The following ALK variants were observed in gnomAD, a reference collection of about 807,000 sequenced individuals.
ALK encodes ALK receptor tyrosine kinase.
In ALK, 74 loss-of-function variants were observed where a neutral mutation model predicts 163.1. The observed-to-expected ratio is 0.45, with a 90% CI of 0.38 to 0.55. The LOEUF is 0.55. Among genes scored for constraint, ALK ranks in the 20% least tolerant of loss-of-function variants. The probability of loss-of-function intolerance (pLI) is 0.00; values close to 1 mark genes in which losing one functional copy is unlikely to be tolerated. For synonymous variants in ALK, 960 were observed against 843.2 expected (o/e 1.14, Z -2.40); for missense variants, 2,063 against 2,105.3 (o/e 0.98, Z 0.39).
At chr2:29,709,182 GA>G (rs1170945826) in intron 2 of ALK, among the ~76,000 whole-genome samples, 3 of 151,990 alleles carry the variant, frequency 2.0e-5, no homozygotes, top group Non-Finnish European at 2.9e-5. Flanking sequence ...GTTAAGAAAA[GA>G]AAAAAAGCAA....
chr2:29,212,047 C>T (rs1427485327), intron 24 of ALK, among the ~76,000 whole-genome samples: 1 of 152,094 alleles, frequency 6.6e-6, no homozygotes, highest in Non-Finnish European at 1.5e-5. Flanking sequence ...GGTCAGAGGA[C>T]AAATGGAAAT....
chr2:29,435,719 G>A (rs956321119), intron 4 of ALK, among the ~76,000 whole-genome samples: 3 of 152,018 alleles, frequency 2.0e-5, no homozygotes, highest in African/African-American at 7.2e-5. Flanking sequence ...CAATATGACT[G>A]AGGAACTGTG....
At chr2:29,907,209 G>T (rs907506429) in intron 1 of ALK, 2 of 151,918 alleles carry the variant, frequency 1.3e-5, no homozygotes, top group African/African-American at 4.8e-5. Context: ...GAATGGTTTT[G>T]CTATACAATT....
intron 1 of ALK, among the ~76,000 whole-genome samples, chr2:29,784,130 G>C (rs545945937): frequency 6.6e-6 from 1 of 152,252 alleles, no homozygotes; most frequent in African/African-American, 2.4e-5. Flanking sequence ...AAGAAAGAAA[G>C]AAATGAGGGA....
intron 28 of ALK, among the ~76,000 whole-genome samples, chr2:29,195,702 T>C (rs1669005183): frequency 1.3e-5 from 2 of 152,200 alleles, no homozygotes; most frequent in African/African-American, 4.8e-5. Context: ...GCCACTGTGC[T>C]CCAGCCCGGG....
At chr2:29,640,920 G>A (rs116023181) in intron 3 of ALK, among the ~76,000 whole-genome samples, 157 of 152,284 alleles carry the variant, frequency 1.0e-3, no homozygotes, top group Non-Finnish European at 1.9e-3. Context: ...TAGGGAAAGA[G>A]TATTATGAAT....
intron 1 of ALK, among the ~76,000 whole-genome samples, chr2:29,896,807 C>T (rs530247661): frequency 6.6e-6 from 1 of 152,286 alleles, no homozygotes; most frequent in East Asian, 1.9e-4. Flanking sequence ...AGTAAAAGTT[C>T]ATTGTAAGAA....
chr2:29,352,413 C>T (rs1668141228), intron 5 of ALK, among the ~76,000 whole-genome samples: 1 of 152,226 alleles, frequency 6.6e-6, no homozygotes, highest in Non-Finnish European at 1.5e-5. Flanking sequence ...AAAGAAGTGC[C>T]CTGTGTAGGC....
intron 14 of ALK, among the ~76,000 whole-genome samples, chr2:29,232,864 G>T (rs1321720689): frequency 6.6e-6 from 1 of 152,154 alleles, no homozygotes; most frequent in East Asian, 1.9e-4. Flanking sequence ...GACCCCCAAA[G>T]ATTCAAGGTT....
intron 1 of ALK, among the ~76,000 whole-genome samples, chr2:29,841,264 G>A (rs1040397738): frequency 6.6e-6 from 1 of 152,128 alleles, no homozygotes; most frequent in Non-Finnish European, 1.5e-5. Context: ...ATAGTGAACA[G>A]AATCAAGTCT....
intron 28 of ALK, among the ~76,000 whole-genome samples, chr2:29,195,990 G>A (rs1669013770): frequency 6.6e-6 from 1 of 152,102 alleles, no homozygotes; most frequent in Non-Finnish European, 1.5e-5. Context: ...GAGACAGGGA[G>A]GAAATGAGGG....
At position 29,197,243 on chromosome 2, in the gene ALK, C is replaced by T. The variant is rs911278716; in HGVS notation, c.4073+299G>A. 2.6e-5 allele frequency among the ~76,000 whole-genome samples: 4 copies of T among 152,160 alleles called. No individual in the cohort carries two copies. In the East Asian group the frequency reaches 7.7e-4, roughly 29 times the overall value. On this transcript the variant is annotated intron_variant, in intron 27 of 28. Coordinates refer to ENST00000389048, the MANE Select transcript of ALK (RefSeq NM_004304.5). ...GTAGACACAGACATACGGTGTAGGG[C>T]AGCAGGGACTGGGCCTGGGACACAC... is the stretch of plus-strand genomic sequence containing the variant.
At chr2:29,796,732 A>G (rs941153422) in intron 1 of ALK, among the ~76,000 whole-genome samples, 3 of 152,160 alleles carry the variant, frequency 2.0e-5, no homozygotes, top group African/African-American at 7.2e-5. Flanking sequence ...TTCAAAGCTC[A>G]GAAAGATGCA....
chr2:29,223,607 G>A lies in ALK; in HGVS notation c.3173-79C>T, dbSNP rs1669871129. ...CTACACAGGCCACTTCCTACAGGAA[G>A]CCTCCCTGGATCTCCATATCCTCCC... On this transcript the variant is annotated intron_variant, in intron 19 of 28. Coordinates refer to ENST00000389048, the MANE Select transcript of ALK (RefSeq NM_004304.5). 2.1e-6 allele frequency: 3 copies of A among 1,447,142 alleles called. No homozygotes were observed. In the Admixed American group the frequency reaches 5.6e-5, roughly 27 times the overall value. The allele number at this position is 1,447,142 out of a possible 1,614,324, so 89.6% of individuals were successfully genotyped here.
At chr2:29,345,737 C>T (rs1667930420) in intron 5 of ALK, among the ~76,000 whole-genome samples, 1 of 152,046 alleles carries the variant, frequency 6.6e-6, no homozygotes, top group Admixed American at 6.5e-5. Context: ...GACAGGGAAA[C>T]AGTAATAAAA....
At chr2:29,443,498 G>A (rs779536702) in intron 4 of ALK, among the ~76,000 whole-genome samples, 32 of 152,090 alleles carry the variant, frequency 2.1e-4, no homozygotes, top group Non-Finnish European at 4.4e-4. Context: ...CTCCCTTCCA[G>A]TTTGGGGGAA....
chr2:29,536,699 G>T (rs113755340), intron 3 of ALK, among the ~76,000 whole-genome samples: 3,865 of 152,292 alleles, frequency 0.025, 159 homozygotes, highest in African/African-American at 0.087. Flanking sequence ...CACAAGACAG[G>T]AAGACGAGGG....
intron 9 of ALK, among the ~76,000 whole-genome samples, chr2:29,280,291 A>C (rs1220807409): frequency 6.6e-6 from 1 of 151,392 alleles, no homozygotes; most frequent in Non-Finnish European, 1.5e-5. Flanking sequence ...GATTGAGTGA[A>C]AGTTTTAGTA....
intron 4 of ALK, among the ~76,000 whole-genome samples, chr2:29,387,644 C>G (rs1000257759): frequency 2.6e-5 from 4 of 152,178 alleles, no homozygotes; most frequent in Non-Finnish European, 5.9e-5. Flanking sequence ...GATATCTATA[C>G]TTCCCTAGCT....
Sources: gnomAD v4.1 joint callset for allele counts (sites outside exome capture counted in the v4.1 genomes callset) on GRCh38, gnomAD v4.1.1 for gene constraint, MANE v1.5 for transcripts, NCBI Gene and HGNC (gene_info 2026-07-23, HGNC 2026-07-21) for gene names.